The following PLAG1 variants were observed in gnomAD, a reference collection of about 807,000 sequenced individuals.
PLAG1 encodes the protein PLAG1 zinc finger, also known as zinc finger protein PLAG1.
PLAG1 carries 7 observed loss-of-function variants against 35.5 expected under a neutral mutation model. The ratio of observed to expected loss-of-function variants is 0.20; its 90% CI spans 0.11 to 0.37. PLAG1 has a LOEUF of 0.37. Among genes scored for constraint, PLAG1 ranks in the 10% least tolerant of loss-of-function variants. The probability of loss-of-function intolerance (pLI) is 1.00; values close to 1 mark genes in which losing one functional copy is unlikely to be tolerated. For missense variants in PLAG1, 454 were observed against 602.8 expected, an observed-to-expected ratio of 0.75 and a Z score of 2.58; for synonymous variants, 229 against 225.4, an observed-to-expected ratio of 1.02 and a Z score of -0.14.
Position 56,166,564 on chromosome 8 carries a change from A to C in PLAG1, c.1182T>G (p.Gly394=). The change falls in exon 5 of 5, where the codon GGT becomes GGG. Residue 394 remains glycine (G), a synonymous_variant. Transcript: ENST00000316981. The part of the protein sequence containing the change: ...LDPQIGSLDD[G]AGDLSLSKSS... Reference sequence around the variant, plus strand: ...TTTTGGATAGGGAGAGGTCTCCTGCACCATCATCTAGGGACCCAATCTGAG... The same window carrying C: ...TTTTGGATAGGGAGAGGTCTCCTGCCCCATCATCTAGGGACCCAATCTGAG... 1 of 1,613,852 alleles carries C rather than the reference A, an allele frequency of 6.2e-7. No individual in the cohort carries two copies. Among genetic ancestry groups the C allele is most frequent in the Non-Finnish European group, 8.5e-7 (1 of 1,179,806 alleles).
intron 1 of PLAG1, among the ~76,000 whole-genome samples, chr8:56,189,845 G>A (rs1812132379): frequency 6.6e-6 from 1 of 152,192 alleles, no homozygotes. Context: ...GCAGACTAGG[G>A]TAGAAATGCT....
chr8:56,176,051 T>C (rs1477358147), intron 2 of PLAG1, among the ~76,000 whole-genome samples: 2 of 150,314 alleles, frequency 1.3e-5, no homozygotes, highest in South Asian at 2.1e-4. Flanking sequence ...CTTTTCTTTT[T>C]TTTTTTTTTT....
chr8:56,168,072 T>C lies in PLAG1; in HGVS notation c.198A>G (p.Gln66=), dbSNP rs1422724749. ...AAACAAAGGCCTTGGTGCAGTCTTG[T>C]TGTATGCACTTGTAGGGCCTCTCTC... ...HTGERPYKCI[Q]QDCTKAFVSK... is the part of the protein sequence containing the mutation. Residue 66 remains glutamine (Q), a synonymous_variant, in exon 4 of 5, where the codon CAA becomes CAG. Transcript: ENST00000316981. 1 of 1,611,162 alleles carries C rather than the reference T, an allele frequency of 6.2e-7. No individual in the cohort carries two copies.
Position 56,166,185 on chromosome 8 carries a change from T to C in PLAG1, c.*58A>G, listed in dbSNP as rs1213365599. On this transcript the variant is annotated 3_prime_UTR_variant, in exon 5 of 5. Transcript: ENST00000316981. Reference sequence around the variant, plus strand: ...TTTAAAGTAGGCACTAAAATAAAAATGGTCATCTAGGGCACAGCTACACAT... The same window carrying C: ...TTTAAAGTAGGCACTAAAATAAAAACGGTCATCTAGGGCACAGCTACACAT... 2.4e-6 allele frequency: 3 copies of C among 1,233,798 alleles called. No individual in the cohort carries two copies. Among genetic ancestry groups the C allele is most frequent in the Non-Finnish European group, 3.4e-6 (3 of 890,640 alleles). 76.4% of individuals were successfully genotyped at this position (1,233,798 alleles called of 1,614,324 possible).
chr8:56,193,427 T>C (rs903134408), intron 1 of PLAG1, among the ~76,000 whole-genome samples: 1 of 152,236 alleles, frequency 6.6e-6, no homozygotes, highest in Non-Finnish European at 1.5e-5. Context: ...TACATGTACA[T>C]GTACCACAAG....
chr8:56,192,623 T>C (rs893653816), intron 1 of PLAG1, among the ~76,000 whole-genome samples: 1 of 152,222 alleles, frequency 6.6e-6, no homozygotes, highest in African/African-American at 2.4e-5. Flanking sequence ...TTTAAAATGA[T>C]GGGAACACTA....
At chr8:56,191,423 T>C (rs534213442) in intron 1 of PLAG1, among the ~76,000 whole-genome samples, 1 of 152,116 alleles carries the variant, frequency 6.6e-6, no homozygotes, top group Admixed American at 6.5e-5. Context: ...CATTTTAGGG[T>C]TCAAATTCAC....
At chr8:56,201,489 A>ATAAGTTGACATTTAGCACTT (rs1812552566) in intron 1 of PLAG1, among the ~76,000 whole-genome samples, 1 of 152,212 alleles carries the variant, frequency 6.6e-6, no homozygotes, top group South Asian at 2.1e-4. Flanking sequence ...CAGCTTAAAG[A>ATAAGTTGACATTTAGCACTT]TAAGTTGACA....
intron 1 of PLAG1, among the ~76,000 whole-genome samples, chr8:56,188,166 T>C (rs1372470028): frequency 6.6e-6 from 1 of 152,172 alleles, no homozygotes; most frequent in Non-Finnish European, 1.5e-5. Flanking sequence ...CTCTTTCACA[T>C]AGCCTTTCAA....
intron 2 of PLAG1, among the ~76,000 whole-genome samples, chr8:56,173,627 T>C (rs1811598265): frequency 6.6e-6 from 1 of 152,100 alleles, no homozygotes; most frequent in African/African-American, 2.4e-5. Flanking sequence ...TATTGTGCTT[T>C]TCAAGTGACG....
At chr8:56,180,766 TG>T (rs1811842731) in intron 1 of PLAG1, among the ~76,000 whole-genome samples, 2 of 151,994 alleles carry the variant, frequency 1.3e-5, no homozygotes, top group South Asian at 4.2e-4. Context: ...TATCAAAGAG[TG>T]AACAGGCAAC....
intron 1 of PLAG1, among the ~76,000 whole-genome samples, chr8:56,194,828 T>C (rs559318745): frequency 1.9e-4 from 29 of 152,238 alleles, no homozygotes; most frequent in Admixed American, 8.5e-4. Flanking sequence ...CTGAACCGTT[T>C]TGGTCTGGAG....
Position 56,164,951 on chromosome 8 carries a change from G to A in PLAG1, c.*1292C>T, listed in dbSNP as rs1461972402. On this transcript the variant is annotated 3_prime_UTR_variant, in exon 5 of 5. Transcript: ENST00000316981. ...TCTAGTCACTTAAAACTTTGTGGTA[G>A]TTCATCAGGTAGTTTTCTAATGCAT... The A allele has an allele frequency of 1.9e-5, 4 of 207,856 alleles. No individual in the cohort carries two copies. Among genetic ancestry groups the A allele is most frequent in the South Asian group, 1.9e-4 (1 of 5,308 alleles). 12.9% of individuals were successfully genotyped at this position (207,856 alleles called of 1,614,324 possible).
chr8:56,167,960 G>T lies in PLAG1; in HGVS notation c.242+68C>A. 1 of 863,214 alleles carries T rather than the reference G, an allele frequency of 1.2e-6. No homozygotes were observed. The highest frequency in any genetic ancestry group is 1.8e-6 in the Non-Finnish European group (1 of 547,240). The allele number at this position is 863,214 out of a possible 1,614,324, so 53.5% of individuals were successfully genotyped here. On this transcript the variant is annotated intron_variant, in intron 4 of 4. Coordinates refer to ENST00000316981, the MANE Select transcript of PLAG1 (RefSeq NM_002655.3). This position sits in a 1 kb window ranked among gnomAD's most constrained non-coding sequence, Gnocchi z 5.9. The stretch of plus-strand genomic sequence containing the variant: ...GAAAAATGTGTATACAAATACATAC[G>T]TTTACAATGGCTTCAAACAGCCAAC...
intron 1 of PLAG1, among the ~76,000 whole-genome samples, chr8:56,200,638 G>A (rs575230363): frequency 2.1e-4 from 32 of 152,266 alleles, no homozygotes; most frequent in African/African-American, 6.7e-4. Flanking sequence ...CCTTTCTAGC[G>A]GCTCCTGAAC....
rs1308796919 is a variant in PLAG1 at position 56,163,599 on chromosome 8, A to T, written c.*2644T>A. On this transcript the variant is annotated 3_prime_UTR_variant, in exon 5 of 5. Transcript: ENST00000316981. ...AAAATTAAGACTCCAAAATTTTAAC[A>T]CTGGTGCCCTGAAGATGTGCCTCCA... The T allele has an allele frequency of 5.1e-6, 1 of 197,622 alleles. No homozygotes were observed. Among genetic ancestry groups the T allele is most frequent in the African/African-American group, 2.3e-5 (1 of 43,148 alleles). 12.2% of individuals were successfully genotyped at this position (197,622 alleles called of 1,614,324 possible).
intron 2 of PLAG1, among the ~76,000 whole-genome samples, chr8:56,172,830 T>G (rs1361561147): frequency 6.6e-6 from 1 of 152,216 alleles, no homozygotes; most frequent in African/African-American, 2.4e-5. Flanking sequence ...GAGGGGATAG[T>G]GCCTATTTTC....
Position 56,162,740 on chromosome 8 carries a change from C to A in PLAG1, c.*3503G>T. On this transcript the variant is annotated 3_prime_UTR_variant, in exon 5 of 5. Coordinates refer to ENST00000316981, the MANE Select transcript of PLAG1 (RefSeq NM_002655.3). ...CTGAAAATATGTACTCTTTAACATT[C>A]ATTATTAGCTTAATAAAGCAATCGG... 4.8e-6 allele frequency: 1 copy of A among 208,606 alleles called. No individual in the cohort carries two copies. Among genetic ancestry groups the A allele is most frequent in the Non-Finnish European group, 9.8e-6 (1 of 102,188 alleles). 12.9% of individuals were successfully genotyped at this position (208,606 alleles called of 1,614,324 possible). A position where few individuals can be genotyped will look rare whatever the true frequency, so the allele number is the denominator to read the frequency against.
chr8:56,208,003 C>G (rs1471025737), intron 1 of PLAG1, among the ~76,000 whole-genome samples: 1 of 152,058 alleles, frequency 6.6e-6, no homozygotes, highest in African/African-American at 2.4e-5. Context: ...TTTAGATTGA[C>G]AATAAACCAG....
Sources: allele counts gnomAD v4.1 joint callset (sites outside exome capture counted in the v4.1 genomes callset), GRCh38; gene constraint gnomAD v4.1.1; non-coding constraint Gnocchi (gnomAD v3.1); transcripts MANE v1.5; gene names NCBI Gene and HGNC (gene_info 2026-07-23, HGNC 2026-07-21).